The following CTNNA2 variants were observed in gnomAD, a reference collection of about 807,000 sequenced individuals.
The protein encoded by CTNNA2 is catenin alpha 2.
A neutral mutation model predicts 101.0 loss-of-function variants in CTNNA2; 42 were observed. The observed-to-expected ratio is 0.42, with a 90% confidence interval of 0.32 to 0.54. The LOEUF (loss-of-function observed/expected upper bound fraction) is 0.54, where lower values mean the gene tolerates loss of function less well. CTNNA2 is among the 20% of genes least tolerant of loss of function. The pLI, the probability that CTNNA2 is intolerant of heterozygous loss-of-function variation, is 0.14. For missense variants in CTNNA2, 871 were observed against 1,223.1 expected (o/e 0.71, Z 4.29); for synonymous variants, 450 against 456.4 (o/e 0.99, Z 0.18).
chr2:80,410,527 A>C (rs528969596), intron 8 of CTNNA2, among the ~76,000 whole-genome samples: 1 of 152,234 alleles, frequency 6.6e-6, no homozygotes. Flanking sequence ...TGTCAGACTT[A>C]ACGAATGATT....
chr2:80,232,167 A>G (rs913312912), intron 7 of CTNNA2, among the ~76,000 whole-genome samples: 1 of 152,074 alleles, frequency 6.6e-6, no homozygotes, highest in Non-Finnish European at 1.5e-5. Flanking sequence ...ACATGTATTG[A>G]TTAACATCGT....
intron 7 of CTNNA2, among the ~76,000 whole-genome samples, chr2:80,198,822 C>A (rs1426098199): frequency 6.6e-6 from 1 of 152,078 alleles, no homozygotes; most frequent in African/African-American, 2.4e-5. Flanking sequence ...TGATTTATTT[C>A]TCATATGCCC....
chr2:80,073,172 G>C (rs1437485759), intron 7 of CTNNA2, among the ~76,000 whole-genome samples: 1 of 152,222 alleles, frequency 6.6e-6, no homozygotes, highest in Non-Finnish European at 1.5e-5. Flanking sequence ...GGGGAAAGGA[G>C]ATGCCGGGTG....
At chr2:79,317,215 G>GA (rs1324312503) in intron 3 of CTNNA2, among the ~76,000 whole-genome samples, 3 of 152,094 alleles carry the variant, frequency 2.0e-5, no homozygotes, top group South Asian at 4.2e-4. Context: ...TCCATAAAAT[G>GA]ATTTTCACAG....
At chr2:80,022,134 T>A (rs1392890441) in intron 7 of CTNNA2, among the ~76,000 whole-genome samples, 1 of 152,238 alleles carries the variant, frequency 6.6e-6, no homozygotes, top group Non-Finnish European at 1.5e-5. Flanking sequence ...GCTATAGTGC[T>A]GACAGCACCG....
At chr2:79,458,898 C>G (rs1670851036) in intron 4 of CTNNA2, among the ~76,000 whole-genome samples, 1 of 151,966 alleles carries the variant, frequency 6.6e-6, no homozygotes. Context: ...CCTGCCATTT[C>G]TAAAAAATAC....
intron 18 of CTNNA2, among the ~76,000 whole-genome samples, chr2:80,633,497 G>A (rs1166004462): frequency 3.9e-5 from 6 of 152,036 alleles, no homozygotes; most frequent in South Asian, 2.1e-4. Context: ...CATGACTCAC[G>A]CTTGTGAACA....
chr2:79,339,043 G>C (rs1343972227), intron 3 of CTNNA2, among the ~76,000 whole-genome samples: 1 of 152,110 alleles, frequency 6.6e-6, no homozygotes, highest in Admixed American at 6.5e-5. Flanking sequence ...ATAACCCAGA[G>C]GGCTGTAGGT....
chr2:80,051,090 T>C (rs1696851082), intron 7 of CTNNA2, among the ~76,000 whole-genome samples: 1 of 152,152 alleles, frequency 6.6e-6, no homozygotes, highest in Admixed American at 6.5e-5. Context: ...AATGTTACCA[T>C]GAAATACTAT....
In CTNNA2 at chr2:80,144,096, G is replaced by T. The variant is rs146927160; in HGVS notation, c.1056+234299G>T. 3.5e-4 allele frequency among the ~76,000 whole-genome samples: 53 copies of T among 152,154 alleles called. No homozygotes were observed. The Middle Eastern group carries it at 0.01, about 29-fold the overall frequency. Reference sequence around the variant, plus strand: ...GTTAGGTTTTTGTCACTTTTGCCCCGTGCAATCTTTTAGCTCTAACACAAG... The same window carrying T: ...GTTAGGTTTTTGTCACTTTTGCCCCTTGCAATCTTTTAGCTCTAACACAAG... On this transcript the variant is annotated intron_variant, in intron 7 of 18. Transcript: ENST00000402739.
chr2:79,463,138 G>T (rs142843053), intron 4 of CTNNA2, among the ~76,000 whole-genome samples: 3 of 152,130 alleles, frequency 2.0e-5, no homozygotes, highest in Admixed American at 6.6e-5. Context: ...TTGGCTGGGC[G>T]CAGTGGCTCA....
intron 4 of CTNNA2, chr2:79,500,540 A>G (rs1018926658): frequency 6.6e-6 from 1 of 152,182 alleles, no homozygotes; most frequent in African/African-American, 2.4e-5. Context: ...TCTAAATCAT[A>G]TTGGCTACAG....
intron 4 of CTNNA2, among the ~76,000 whole-genome samples, chr2:79,415,265 C>T (rs775344097): frequency 6.6e-6 from 1 of 152,172 alleles, no homozygotes; most frequent in Non-Finnish European, 1.5e-5. Context: ...TGCTCCTGCT[C>T]TTGCCACATG....
intron 7 of CTNNA2, among the ~76,000 whole-genome samples, chr2:80,362,420 C>T (rs114964660): frequency 6.6e-6 from 1 of 152,068 alleles, no homozygotes; most frequent in Non-Finnish European, 1.5e-5. Flanking sequence ...TTTGTGCTTA[C>T]CCTTACACAT....
chr2:79,983,769 T>A (rs1012840471), intron 7 of CTNNA2, among the ~76,000 whole-genome samples: 1 of 152,246 alleles, frequency 6.6e-6, no homozygotes, highest in Non-Finnish European at 1.5e-5. Flanking sequence ...AAATTGTGTT[T>A]GATTTGCTTA....
At chr2:80,006,778 GC>G (rs1334705977) in intron 7 of CTNNA2, among the ~76,000 whole-genome samples, 7 of 152,106 alleles carry the variant, frequency 4.6e-5, no homozygotes, top group African/African-American at 7.2e-5. Flanking sequence ...TTGGTAAGTT[GC>G]TTTGAAATGT....
At chr2:79,585,345 G>A (rs1238202763) in intron 1 of CTNNA2, among the ~76,000 whole-genome samples, 1 of 151,648 alleles carries the variant, frequency 6.6e-6, no homozygotes, top group Non-Finnish European at 1.5e-5. Flanking sequence ...TAATTGCTTT[G>A]CCTTGTTTAA....
chr2:80,060,805 A>G (rs1697549415), intron 7 of CTNNA2, among the ~76,000 whole-genome samples: 1 of 152,084 alleles, frequency 6.6e-6, no homozygotes, highest in South Asian at 2.1e-4. Flanking sequence ...GCACTCACCC[A>G]CCAGCTGTCA....
intron 9 of CTNNA2, among the ~76,000 whole-genome samples, chr2:80,457,722 C>T (rs75534093): frequency 0.028 from 4,320 of 152,192 alleles, 199 homozygotes; most frequent in African/African-American, 0.098. Flanking sequence ...TCTCTTTTCT[C>T]TTGAGAATGA....
Sources: allele counts gnomAD v4.1 joint callset (sites outside exome capture counted in the v4.1 genomes callset), GRCh38; gene constraint gnomAD v4.1.1; transcripts MANE v1.5; gene names NCBI Gene and HGNC (gene_info 2026-07-23, HGNC 2026-07-21).